KRT71: variants seen among roughly 807,000 people sequenced by gnomAD.
KRT71 encodes the protein keratin, type II cytoskeletal 71.
In KRT71, 42 loss-of-function variants were observed where a neutral mutation model predicts 46.2. That is an observed-to-expected ratio of 0.91 (90% CI 0.71 to 1.18). The LOEUF (loss-of-function observed/expected upper bound fraction) is 1.18, where lower values mean the gene tolerates loss of function less well. Ranked by LOEUF, KRT71 falls within the 50% of genes most tolerant of loss-of-function variation. The pLI, the probability that KRT71 is intolerant of heterozygous loss-of-function variation, is 0.00. For missense variants in KRT71, 708 were observed against 677.9 expected (o/e 1.04, Z -0.49); for synonymous variants, 292 against 277.8 (o/e 1.05, Z -0.51).
At chr12:52,548,072 G>A in intron 5 of KRT71, 80 bp downstream of exon 5, 1 of 1,599,692 alleles carries the variant, frequency 6.3e-7, no homozygotes, top group African/African-American at 1.3e-5. Flanking sequence ...CTGGGACACT[G>A]CTTCTATTCT....
In KRT71 at chr12:52,548,805, T is replaced by G. The variant is rs1939107193; in HGVS notation, c.718-9A>C. ...TAAGCAGCATCCACATCCTGAAAGA[T>G]GCCCCCACCATCCCCTGTCACTGCT... On this transcript the variant is annotated splice_polypyrimidine_tract_variant and intron_variant, in intron 3 of 8. Transcript: ENST00000267119. The G allele has an allele frequency of 6.2e-7, 1 of 1,613,432 alleles. No individual in the cohort carries two copies. The highest frequency in any genetic ancestry group is 8.5e-7 in the Non-Finnish European group (1 of 1,179,474).
In KRT71 at chr12:52,544,202, G is replaced by C; in HGVS notation, c.*330C>G. 1 of 391,360 alleles carries C rather than the reference G, an allele frequency of 2.6e-6. No individual in the cohort carries two copies. The highest frequency in any genetic ancestry group is 4.8e-6 in the Non-Finnish European group (1 of 208,404). 24.2% of individuals were successfully genotyped at this position (391,360 alleles called of 1,614,324 possible). ...TGCGGGGCCTTGGGCAGAGACCCAG[G>C]GAGCCCAGCAGAGTAGTTAGCGACT... On this transcript the variant is annotated 3_prime_UTR_variant, in exon 9 of 9. Transcript: ENST00000267119.
intron 8 of KRT71, among the ~76,000 whole-genome samples, 175 bp downstream of exon 8, chr12:52,545,390 C>A (rs1398909571): frequency 6.6e-6 from 1 of 152,194 alleles, no homozygotes; most frequent in East Asian, 1.9e-4. Flanking sequence ...GAGGCCTGGC[C>A]TGGGAGTCAG....
rs1939196514 is a variant in KRT71 at position 52,552,839 on chromosome 12, G to T, written c.239C>A (p.Ala80Asp). 2 of 1,614,130 alleles carry T rather than the reference G, an allele frequency of 1.2e-6. No homozygotes were observed. Among genetic ancestry groups the T allele is most frequent in the African/African-American group, 2.7e-5 (2 of 74,952 alleles). The change falls in exon 1 of 9, where the codon GCT becomes GAT. Residue 80 changes from alanine to aspartate, a missense_variant. Physicochemically the swap from Ala to Asp is moderately radical, Grantham distance 126 (BLOSUM62 -2). Transcript: ENST00000267119. ...GGCCACACTGCCAAACATGCTTCCAGCAAAGCCACTGGCCCGGCCCCGGCC... is the reference window on the plus strand; with the variant it reads ...GGCCACACTGCCAAACATGCTTCCATCAAAGCCACTGGCCCGGCCCCGGCC... Reference protein sequence around the residue: ...GFGRGRASGFAGSMFGSVALG... With the variant: ...GFGRGRASGFDGSMFGSVALG...
At chr12:52,551,787 C>T (rs773764234) in intron 1 of KRT71, among the ~76,000 whole-genome samples, 22 of 152,290 alleles carry the variant, frequency 1.4e-4, no homozygotes, top group Middle Eastern at 3.4e-3. Context: ...GTGACTCATA[C>T]GATAGGGATA....
Position 52,544,251 on chromosome 12 carries a change from G to T in KRT71, c.*281C>A. ...CTGCGCTAGAGGCCGGGCAGAGGAG[G>T]AAAGCTGGCAGCCAGGACCTGGGCT... On this transcript the variant is annotated 3_prime_UTR_variant, in exon 9 of 9. Coordinates refer to ENST00000267119, the MANE Select transcript of KRT71 (RefSeq NM_033448.3). The T allele has an allele frequency of 1.9e-6, 1 of 529,002 alleles. No homozygotes were observed. Among genetic ancestry groups the T allele is most frequent in the African/African-American group, 1.9e-5 (1 of 52,734 alleles). The allele number at this position is 529,002 out of a possible 1,614,324, so 32.8% of individuals were successfully genotyped here. A position where few individuals can be genotyped will look rare whatever the true frequency, so the allele number is the denominator to read the frequency against.
Position 52,550,344 on chromosome 12 carries a change from A to G in KRT71, c.442-101T>C, listed in dbSNP as rs542761255. The G allele has an allele frequency of 4.9e-5, 67 of 1,378,226 alleles. No individual in the cohort carries two copies. The South Asian group carries it at 7.7e-4, about 16-fold the overall frequency. The allele number at this position is 1,378,226 out of a possible 1,614,324, so 85.4% of individuals were successfully genotyped here. On this transcript the variant is annotated intron_variant, in intron 1 of 8. Coordinates refer to ENST00000267119, the MANE Select transcript of KRT71 (RefSeq NM_033448.3). ...AGCTTCTATCTGCATTTTCTCCTCA[A>G]TAGAGCTGAAAGAGGTGGGCAAATC...
chr12:52,546,476 C>T lies in KRT71; in HGVS notation c.1135G>A (p.Ala379Thr), dbSNP rs1451051335. The T allele has an allele frequency of 1.2e-6, 2 of 1,614,054 alleles. No homozygotes were observed. The highest frequency in any genetic ancestry group is 1.7e-6 in the Non-Finnish European group (2 of 1,180,036). Reference protein sequence around the residue: ...ASNLETAIADAEQRGDNALKD... With the variant: ...ASNLETAIADTEQRGDNALKD... ...AGGGCGTTGTCTCCCCGCTGCTCAG[C>T]ATCAGCGATGGCTGTCTCCAGGTTG... The change falls in exon 7 of 9, where the codon GCT becomes ACT. Residue 379 changes from alanine (A) to threonine (T), a missense_variant. Physicochemically the swap from Ala to Thr is moderately conservative, Grantham distance 58. Coordinates refer to ENST00000267119, the MANE Select transcript of KRT71 (RefSeq NM_033448.3).
At chr12:52,549,449 G>T in intron 2 of KRT71, 96 bp from the exon 3 acceptor site, 1 of 1,034,434 alleles carries the variant, frequency 9.7e-7, no homozygotes, top group Non-Finnish European at 1.5e-6. Context: ...TCCATCAGAA[G>T]ATACAGGTGC....
chr12:52,549,457 T>G, intron 2 of KRT71, 104 bp from the exon 3 acceptor site: 1 of 950,422 alleles, frequency 1.1e-6, no homozygotes, highest in Non-Finnish European at 1.7e-6. Context: ...AAGATACAGG[T>G]GCTGGGGGCC....
At position 52,544,497 on chromosome 12, in the gene KRT71, G is replaced by A. The variant is rs772413712; in HGVS notation, c.*35C>T. 7.0e-6 allele frequency: 11 copies of A among 1,577,318 alleles called. No individual in the cohort carries two copies. In the Middle Eastern group the frequency reaches 6.7e-4, roughly 96 times the overall value. On this transcript the variant is annotated 3_prime_UTR_variant, in exon 9 of 9. Transcript: ENST00000267119. ...AGTACAGTGTGGGATCCAGAGCCGG[G>A]TCATGGAATGAGGCGGGGCCCGGGG...
chr12:52,545,287 T>A (rs1167597932), intron 8 of KRT71, among the ~76,000 whole-genome samples: 1 of 152,188 alleles, frequency 6.6e-6, no homozygotes, highest in Non-Finnish European at 1.5e-5. Context: ...CCATGCATCA[T>A]TTTTCTACAA....
chr12:52,548,826 C>G (rs910464196), intron 3 of KRT71, 30 bp from the exon 4 acceptor site: 4 of 1,600,782 alleles, frequency 2.5e-6, no homozygotes, highest in Non-Finnish European at 3.4e-6. Context: ...TCCCCTGTCA[C>G]TGCTGGTACA....
Position 52,550,274 on chromosome 12 carries a change from C to T in KRT71, c.442-31G>A, listed in dbSNP as rs1177301060. On this transcript the variant is annotated intron_variant, in intron 1 of 8. Coordinates refer to ENST00000267119, the MANE Select transcript of KRT71 (RefSeq NM_033448.3). ...ACCCAGATCCCAGAAACTGCTGAAC[C>T]CTTGCAGTAATAGTCACACGTGTCT... 4 of 1,610,898 alleles carry T rather than the reference C, an allele frequency of 2.5e-6. No individual in the cohort carries two copies. The South Asian group carries it at 4.4e-5, about 18-fold the overall frequency.
intron 3 of KRT71, 27 bp downstream of exon 3, chr12:52,549,266 G>C: frequency 6.3e-7 from 1 of 1,597,000 alleles, no homozygotes; most frequent in East Asian, 2.2e-5. Flanking sequence ...GCCAGCCCCC[G>C]GGACTCAGGG....
chr12:52,549,938 C>G (rs2120578205), intron 2 of KRT71, 91 bp downstream of exon 2: 1 of 1,460,384 alleles, frequency 6.8e-7, no homozygotes, highest in South Asian at 1.2e-5. Flanking sequence ...CCTCCACTGA[C>G]CTCCAAAGCA....
chr12:52,552,601 G>T lies in KRT71; in HGVS notation c.441+36C>A, dbSNP rs74095120. 15,132 of 1,565,624 alleles carry T rather than the reference G, an allele frequency of 9.7e-3. 98 individuals carry two copies. The highest frequency in any genetic ancestry group is 0.027 in the African/African-American group (1,997 of 73,134). On this transcript the variant is annotated intron_variant, in intron 1 of 8. Transcript: ENST00000267119. Reference sequence around the variant, plus strand: ...TATGTTCCAAGAAGAGAAGAGGAGGGCTGTTCACAAGTTCCCCAGGCCCTA... The same window carrying T: ...TATGTTCCAAGAAGAGAAGAGGAGGTCTGTTCACAAGTTCCCCAGGCCCTA...
chr12:52,551,943 G>A (rs1246398897), intron 1 of KRT71, among the ~76,000 whole-genome samples: 1 of 152,106 alleles, frequency 6.6e-6, no homozygotes, highest in African/African-American at 2.4e-5. Flanking sequence ...ATCATTTTTG[G>A]AGTATTTAGT....
Position 52,551,792 on chromosome 12 carries a change from G to C in KRT71, c.441+845C>G, listed in dbSNP as rs143615715. Among the ~76,000 whole-genome samples, 220 of 152,302 alleles carry C rather than the reference G, an allele frequency of 1.4e-3. 3 individuals are homozygous for C. Among genetic ancestry groups the C allele is most frequent in the African/African-American group, 5.1e-3 (213 of 41,578 alleles). ...CATGCCTTCAGTGACTCATACGATA[G>C]GGATAATCATTTCTTCTCTGCCAGA... On this transcript the variant is annotated intron_variant, in intron 1 of 8. Coordinates refer to ENST00000267119, the MANE Select transcript of KRT71 (RefSeq NM_033448.3).
Sources: allele counts gnomAD v4.1 joint callset (sites outside exome capture counted in the v4.1 genomes callset), GRCh38; gene constraint gnomAD v4.1.1; transcripts MANE v1.5; gene names NCBI Gene and HGNC (gene_info 2026-07-23, HGNC 2026-07-21).